The following AVL9 variants were observed in gnomAD, a reference collection of about 807,000 sequenced individuals.
AVL9 encodes the protein late secretory pathway protein AVL9 homolog.
A neutral mutation model predicts 79.2 loss-of-function variants in AVL9; 49 were observed. The observed-to-expected ratio is 0.62, with a 90% CI of 0.49 to 0.79. The LOEUF (loss-of-function observed/expected upper bound fraction) is 0.79. AVL9 is among the 30% of genes least tolerant of loss of function. AVL9 has a pLI of 0.00. For missense variants in AVL9, 682 were observed against 776.8 expected, an observed-to-expected ratio of 0.88 and a Z score of 1.45; for synonymous variants, 299 against 280.6, an observed-to-expected ratio of 1.07 and a Z score of -0.65.
Position 32,564,760 on chromosome 7 carries a change from A to C in AVL9, c.1216-5260A>C, listed in dbSNP as rs576145463. Among the ~76,000 whole-genome samples, 804 of 152,286 alleles carry C rather than the reference A, an allele frequency of 5.3e-3. 2 individuals are homozygous for C. Among genetic ancestry groups the C allele is most frequent in the Non-Finnish European group, 8.7e-3 (591 of 68,020 alleles). ...AGCTGATTCAGGAAGTGTAGAGAAG[A>C]AACAGCTGCTAAGGAATAAGAGGCG... On this transcript the variant is annotated intron_variant, in intron 10 of 15. Coordinates refer to ENST00000318709, the MANE Select transcript of AVL9 (RefSeq NM_015060.3).
intron 9 of AVL9, 145 bp from the exon 10 acceptor site, chr7:32,558,784 G>T: frequency 9.9e-7 from 1 of 1,014,234 alleles, no homozygotes; most frequent in Non-Finnish European, 1.4e-6. Flanking sequence ...CTTTTGTCTG[G>T]GCTTCTTTCT....
In AVL9 at chr7:32,548,891, GAA is replaced by G; in HGVS notation, c.348_349del (p.Ser117CysfsTer26). ...QADITRETVQ[K>X]SVCVLSKLPL... ...CAGATATCACCAGAGAGACTGTTCA[GAA>G]AAGTGTCTGTGTTCTAAGCAAGCTG... On this transcript the variant is annotated frameshift_variant, in exon 4 of 16. Coordinates refer to ENST00000318709, the MANE Select transcript of AVL9 (RefSeq NM_015060.3). LOFTEE classifies it high-confidence loss of function. 4 of 1,577,532 alleles carry G rather than the reference GAA, an allele frequency of 2.5e-6. No homozygotes were observed. Among genetic ancestry groups the G allele is most frequent in the Non-Finnish European group, 3.4e-6 (4 of 1,163,168 alleles).
At chr7:32,525,297 T>C (rs1788353265) in intron 1 of AVL9, among the ~76,000 whole-genome samples, 1 of 152,160 alleles carries the variant, frequency 6.6e-6, no homozygotes, top group East Asian at 1.9e-4. Flanking sequence ...TTAGTAAGAG[T>C]CTTTTAGAAC....
intron 13 of AVL9, among the ~76,000 whole-genome samples, chr7:32,579,583 ATATATTATATATTATATATTATAT>A (rs1315073581): frequency 0.063 from 811 of 12,974 alleles, 337 homozygotes; most frequent in Middle Eastern, 0.25. Context: ...ATTATATATT[ATATATTATATATTATATATTATAT>A]TATATATTAT....
At chr7:32,548,810 G>A (rs112656852) in intron 3 of AVL9, 37 bp from the exon 4 acceptor site, 1 of 1,386,272 alleles carries the variant, frequency 7.2e-7, no homozygotes. Context: ...ATATTGCTAT[G>A]AAATATTTCT....
chr7:32,556,669 A>C (rs952902453), intron 8 of AVL9, among the ~76,000 whole-genome samples: 2 of 152,180 alleles, frequency 1.3e-5, no homozygotes, highest in African/African-American at 4.8e-5. Context: ...ATAACATACA[A>C]TTTATCATCG....
intron 1 of AVL9, chr7:32,533,571 C>T (rs760440212): frequency 6.6e-6 from 1 of 152,122 alleles, no homozygotes; most frequent in Non-Finnish European, 1.5e-5. Context: ...GAGAAAGAAA[C>T]CATAACTGAG....
intron 1 of AVL9, among the ~76,000 whole-genome samples, chr7:32,519,631 G>C (rs975027367): frequency 6.6e-6 from 1 of 151,730 alleles, no homozygotes; most frequent in Non-Finnish European, 1.5e-5. Context: ...GTTACTAAGA[G>C]TTAAAATAGT....
At chr7:32,503,377 C>CAT in intron 1 of AVL9, among the ~76,000 whole-genome samples, 1 of 136,502 alleles carries the variant, frequency 7.3e-6, no homozygotes, top group African/African-American at 2.9e-5. Context: ...TATATATACA[C>CAT]ACACACACAC....
chr7:32,587,574 C>T lies in AVL9; in HGVS notation c.*3667C>T, dbSNP rs1334003290. ...TTAGGACAGCAGCTGCTAAGCGTTG[C>T]CTGGTATTTTAGTGGGGAGAAGGCT... On this transcript the variant is annotated 3_prime_UTR_variant, in exon 16 of 16. Coordinates refer to ENST00000318709, the MANE Select transcript of AVL9 (RefSeq NM_015060.3). 3 of 152,118 alleles carry T rather than the reference C, an allele frequency of 2.0e-5. No homozygotes were observed. The highest frequency in any genetic ancestry group is 7.2e-5 in the African/African-American group (3 of 41,402). The allele number at this position is 152,118 out of a possible 1,614,324, so 9.4% of individuals were successfully genotyped here.
At chr7:32,516,379 A>G (rs1787901101) in intron 1 of AVL9, among the ~76,000 whole-genome samples, 2 of 152,136 alleles carry the variant, frequency 1.3e-5, no homozygotes, top group Non-Finnish European at 2.9e-5. Flanking sequence ...TTTCCTCTCA[A>G]AATTAATCTT....
At chr7:32,525,677 C>A (rs914969918) in intron 1 of AVL9, among the ~76,000 whole-genome samples, 28 of 152,098 alleles carry the variant, frequency 1.8e-4, no homozygotes, top group African/African-American at 6.5e-4. Flanking sequence ...TTTTTCATAT[C>A]TTTAGTTGGT....
intron 1 of AVL9, among the ~76,000 whole-genome samples, chr7:32,526,648 G>A (rs1788412423): frequency 6.6e-6 from 1 of 152,264 alleles, no homozygotes; most frequent in East Asian, 1.9e-4. Context: ...TCCCAGTTTG[G>A]AGGGTGCATC....
intron 1 of AVL9, chr7:32,534,518 T>TA (rs564313421): frequency 2.0e-5 from 3 of 152,204 alleles, no homozygotes; most frequent in East Asian, 3.9e-4. Flanking sequence ...ACTTCAGACT[T>TA]ACACACTTCA....
intron 10 of AVL9, among the ~76,000 whole-genome samples, chr7:32,562,246 G>C (rs7776985): frequency 0.13 from 19,167 of 150,254 alleles, 1,718 homozygotes; most frequent in African/African-American, 0.26. Context: ...AATAAAAAGA[G>C]GTGCCTATGT....
intron 1 of AVL9, among the ~76,000 whole-genome samples, chr7:32,498,850 T>C (rs1348944935): frequency 6.6e-6 from 1 of 151,744 alleles, no homozygotes; most frequent in Non-Finnish European, 1.5e-5. Context: ...TAACAAGGGA[T>C]AATTTAACAT....
intron 1 of AVL9, among the ~76,000 whole-genome samples, chr7:32,530,140 A>T (rs1788586790): frequency 6.6e-6 from 1 of 152,218 alleles, no homozygotes; most frequent in Non-Finnish European, 1.5e-5. Flanking sequence ...ATTTTTTTCC[A>T]CATAGTTATA....
At chr7:32,502,464 A>G (rs1787186122) in intron 1 of AVL9, among the ~76,000 whole-genome samples, 1 of 151,428 alleles carries the variant, frequency 6.6e-6, no homozygotes, top group South Asian at 2.1e-4. Context: ...TTTTCATGTG[A>G]AATATACCAT....
intron 10 of AVL9, among the ~76,000 whole-genome samples, chr7:32,568,083 T>C (rs1214931749): frequency 1.3e-5 from 2 of 152,058 alleles, no homozygotes; most frequent in Non-Finnish European, 2.9e-5. Context: ...CTGGCCATTC[T>C]GGAACTCCTG....
Sources: allele counts gnomAD v4.1 joint callset (sites outside exome capture counted in the v4.1 genomes callset), GRCh38; gene constraint gnomAD v4.1.1; transcripts MANE v1.5; gene names NCBI Gene and HGNC (gene_info 2026-07-23, HGNC 2026-07-21).